The following PCDHA9 variants were observed in gnomAD, a reference collection of about 807,000 sequenced individuals.
PCDHA9 encodes protocadherin alpha 9, also known as protocadherin alpha-9.
A neutral mutation model predicts 62.0 loss-of-function variants in PCDHA9; 62 were observed. The observed-to-expected ratio is 1.00, with a 90% confidence interval of 0.81 to 1.23. PCDHA9 has a LOEUF of 1.23. Ranked by LOEUF, PCDHA9 falls within the 50% of genes most tolerant of loss-of-function variation. The pLI is 0.00. For synonymous variants in PCDHA9, 557 were observed against 567.6 expected (o/e 0.98, Z 0.27); for missense variants, 1,205 against 1,249.8 (o/e 0.96, Z 0.54).
chr5:140,857,649 T>G, intron 1 of PCDHA9: 1 of 1,596,586 alleles, frequency 6.3e-7, no homozygotes, highest in Non-Finnish European at 8.6e-7. Context: ...CAGTTCCAGG[T>G]GAGCGCGCGC....
intron 1 of PCDHA9, among the ~76,000 whole-genome samples, chr5:140,931,196 A>T (rs1279027493): frequency 1.3e-5 from 2 of 152,182 alleles, no homozygotes; most frequent in Non-Finnish European, 2.9e-5. Flanking sequence ...GTGCACTACA[A>T]TGCTAGTATT....
At chr5:140,918,232 A>G (rs2078581718) in intron 1 of PCDHA9, among the ~76,000 whole-genome samples, 1 of 152,166 alleles carries the variant, frequency 6.6e-6, no homozygotes, top group African/African-American at 2.4e-5. Flanking sequence ...ATTTTTGTAC[A>G]TTGATTTTGT....
chr5:140,943,005 C>T (rs1383622610), intron 1 of PCDHA9, among the ~76,000 whole-genome samples: 2 of 151,608 alleles, frequency 1.3e-5, no homozygotes, highest in African/African-American at 4.8e-5. Context: ...GCCTGTAATC[C>T]CAGCACTTTG....
intron 1 of PCDHA9, chr5:140,877,909 C>A: frequency 6.3e-6 from 9 of 1,432,578 alleles, no homozygotes; most frequent in Non-Finnish European, 7.3e-6. Flanking sequence ...TAACTACATT[C>A]TCTCATTTTT....
At chr5:140,900,058 C>G (rs1013599044) in intron 1 of PCDHA9, among the ~76,000 whole-genome samples, 1 of 152,160 alleles carries the variant, frequency 6.6e-6, no homozygotes, top group Non-Finnish European at 1.5e-5. Flanking sequence ...GATCCTTTAA[C>G]CTCAGCCTCC....
chr5:140,876,728 C>G (rs200398819), intron 1 of PCDHA9: 4 of 1,614,244 alleles, frequency 2.5e-6, no homozygotes, highest in African/African-American at 2.7e-5. Flanking sequence ...GAGAGCGTGT[C>G]GGCCTATGAG....
intron 1 of PCDHA9, chr5:140,852,646 A>G (rs1554146012): frequency 1.0e-6 from 1 of 958,708 alleles, no homozygotes; most frequent in Admixed American, 6.4e-5. Context: ...CATTAAACCT[A>G]TCTATATCTG....
chr5:140,872,867 A>G (rs549673745), intron 1 of PCDHA9, among the ~76,000 whole-genome samples: 37 of 152,332 alleles, frequency 2.4e-4, no homozygotes, highest in African/African-American at 8.7e-4. Flanking sequence ...CCTACTGACA[A>G]TTATCAGTTT....
At chr5:140,959,712 T>G (rs166567) in intron 1 of PCDHA9, among the ~76,000 whole-genome samples, 1 of 152,020 alleles carries the variant, frequency 6.6e-6, no homozygotes, top group African/African-American at 2.4e-5. Flanking sequence ...AAAGGGAAAA[T>G]TTTTAGATAA....
chr5:140,992,393 A>G (rs2097508684), intron 3 of PCDHA9, among the ~76,000 whole-genome samples: 1 of 152,180 alleles, frequency 6.6e-6, no homozygotes, highest in African/African-American at 2.4e-5. Context: ...TTCTGGACTT[A>G]GAGATATTGT....
intron 1 of PCDHA9, chr5:140,966,420 G>C (rs2096000872): frequency 2.4e-6 from 1 of 421,302 alleles, no homozygotes; most frequent in South Asian, 1.0e-4. Flanking sequence ...AGCAGGACTT[G>C]CTGAGCCCTC....
chr5:141,009,948 T>C lies in PCDHA9; in HGVS notation c.*11T>C, dbSNP rs201131092. 1 of 1,595,948 alleles carries C rather than the reference T, an allele frequency of 6.3e-7. No individual in the cohort carries two copies. The highest frequency in any genetic ancestry group is 1.4e-5 in the African/African-American group (1 of 73,610). On this transcript the variant is annotated 3_prime_UTR_variant, in exon 4 of 4. Coordinates refer to ENST00000532602, the MANE Select transcript of PCDHA9 (RefSeq NM_031857.2). ...AACAGTGACCAGTGAGGTCCTCAAA[T>C]GGAAACAAGCCACTTAGCCAGTTTT...
chr5:140,886,698 C>T (rs578140955), intron 1 of PCDHA9, among the ~76,000 whole-genome samples: 5 of 151,938 alleles, frequency 3.3e-5, no homozygotes, highest in East Asian at 2.0e-4. Flanking sequence ...TGGTGGCACG[C>T]GCCTGTAATC....
intron 1 of PCDHA9, among the ~76,000 whole-genome samples, chr5:140,881,137 A>G (rs1554171789): frequency 6.6e-6 from 1 of 152,246 alleles, no homozygotes; most frequent in Non-Finnish European, 1.5e-5. Context: ...AGAGATAGTT[A>G]TAACAATAGA....
At chr5:140,885,462 G>T (rs890056404) in intron 1 of PCDHA9, among the ~76,000 whole-genome samples, 3 of 152,070 alleles carry the variant, frequency 2.0e-5, no homozygotes, top group African/African-American at 7.2e-5. Context: ...ACCTAATGAT[G>T]GGCAATCACT....
chr5:140,977,482 A>G lies in PCDHA9; in HGVS notation c.2395-1467A>G, dbSNP rs3776112. ...TTTGGTCTGTAGATAATTTTATGCTATGTTATATGGAATATCCACAGCATT... is the reference window on the plus strand; with the variant it reads ...TTTGGTCTGTAGATAATTTTATGCTGTGTTATATGGAATATCCACAGCATT... On this transcript the variant is annotated intron_variant, in intron 1 of 3. Coordinates refer to ENST00000532602, the MANE Select transcript of PCDHA9 (RefSeq NM_031857.2). Among the ~76,000 whole-genome samples the G allele has an allele frequency of 3.0e-4, 46 of 152,350 alleles. No homozygotes were observed. The East Asian group carries it at 5.4e-3, about 18-fold the overall frequency.
intron 1 of PCDHA9, chr5:140,871,236 ACTCACGCTG>A: frequency 6.2e-7 from 1 of 1,613,908 alleles, no homozygotes; most frequent in Non-Finnish European, 8.5e-7. Context: ...GCCTCCTGGT[ACTCACGCTG>A]CTGCTGTATA....
intron 1 of PCDHA9, among the ~76,000 whole-genome samples, chr5:140,897,045 C>T (rs1362151452): frequency 3.3e-5 from 5 of 152,090 alleles, no homozygotes; most frequent in African/African-American, 9.7e-5. Context: ...TCACCCTATT[C>T]TGCTGTCAAA....
Position 140,855,272 on chromosome 5 carries a change from A to G in PCDHA9, c.2394+4383A>G, listed in dbSNP as rs527268244. Among the ~76,000 whole-genome samples the G allele has an allele frequency of 6.0e-5, 9 of 149,830 alleles. 1 individual carries two copies. In the South Asian group the frequency reaches 1.7e-3, roughly 28 times the overall value. ...CACTTACTATATTATAATTCACTCA[A>G]CCACCGTATTACTATTAGGCCAAAG... On this transcript the variant is annotated intron_variant, in intron 1 of 3. Transcript: ENST00000532602.
Sources: gnomAD v4.1 joint callset for allele counts (sites outside exome capture counted in the v4.1 genomes callset) on GRCh38, gnomAD v4.1.1 for gene constraint, MANE v1.5 for transcripts, NCBI Gene and HGNC (gene_info 2026-07-23, HGNC 2026-07-21) for gene names.